STX18: variants seen among roughly 807,000 people sequenced by gnomAD.
STX18 encodes syntaxin-18.
In STX18, 40 loss-of-function variants were observed where a neutral mutation model predicts 50.1. That is an observed-to-expected ratio of 0.80 (90% CI 0.62 to 1.04). The LOEUF (loss-of-function observed/expected upper bound fraction) is 1.04, where lower values mean the gene tolerates loss of function less well. Among genes scored for constraint, STX18 ranks in the 50% least tolerant of loss-of-function variants. The probability of loss-of-function intolerance (pLI) is 0.00; values close to 1 mark genes in which losing one functional copy is unlikely to be tolerated. For synonymous variants in STX18, 158 were observed against 151.8 expected, an observed-to-expected ratio of 1.04 and a Z score of -0.30; for missense variants, 410 against 415.8, an observed-to-expected ratio of 0.99 and a Z score of 0.12.
At chr4:4,479,346 T>G (rs187321279) in intron 1 of STX18, among the ~76,000 whole-genome samples, 1 of 152,334 alleles carries the variant, frequency 6.6e-6, no homozygotes, top group East Asian at 1.9e-4. Context: ...CTGTGTGCTT[T>G]TAGCTTCTGC....
intron 1 of STX18, among the ~76,000 whole-genome samples, chr4:4,534,272 TGG>T (rs1731232904): frequency 1.3e-5 from 2 of 152,258 alleles, no homozygotes; most frequent in African/African-American, 4.8e-5. Context: ...CCAGTGTCCA[TGG>T]GCTCCTTGGA....
At chr4:4,424,984 A>C (rs917705788) in intron 8 of STX18, among the ~76,000 whole-genome samples, 180 bp downstream of exon 8, 1 of 152,182 alleles carries the variant, frequency 6.6e-6, no homozygotes, top group Non-Finnish European at 1.5e-5. Context: ...CAGGCCCACA[A>C]GCTGAGGGAG....
At chr4:4,427,971 C>CTA (rs1287192677) in intron 7 of STX18, among the ~76,000 whole-genome samples, 3 of 152,218 alleles carry the variant, frequency 2.0e-5, no homozygotes, top group Non-Finnish European at 2.9e-5. Context: ...AGAGCCGCCT[C>CTA]TGTGTTTAAA....
chr4:4,459,095 T>C (rs1430526086), intron 3 of STX18, among the ~76,000 whole-genome samples: 1 of 118,000 alleles, frequency 8.5e-6, no homozygotes, highest in Non-Finnish European at 1.8e-5. Flanking sequence ...CACACAAATT[T>C]GTCTTCACTG....
At chr4:4,469,088 G>A (rs934144150) in intron 2 of STX18, among the ~76,000 whole-genome samples, 8 of 152,110 alleles carry the variant, frequency 5.3e-5, no homozygotes, top group Non-Finnish European at 1.0e-4. Flanking sequence ...CACTGGATTT[G>A]GTGATTAGGA....
At chr4:4,535,089 C>T (rs1321596928) in intron 1 of STX18, among the ~76,000 whole-genome samples, 1 of 152,236 alleles carries the variant, frequency 6.6e-6, no homozygotes, top group East Asian at 1.9e-4. Flanking sequence ...TCCCTTCTAC[C>T]TACGTCTGGT....
chr4:4,514,003 G>T (rs1019323117), intron 1 of STX18, among the ~76,000 whole-genome samples: 1 of 152,140 alleles, frequency 6.6e-6, no homozygotes, highest in South Asian at 2.1e-4. Flanking sequence ...GAAAGAACTC[G>T]AGAGGGCAGC....
chr4:4,489,662 T>C (rs1309795386), intron 1 of STX18, among the ~76,000 whole-genome samples: 2 of 152,086 alleles, frequency 1.3e-5, no homozygotes, highest in Non-Finnish European at 2.9e-5. Context: ...AACTAGCAAA[T>C]TGCCAACAGC....
intron 6 of STX18, among the ~76,000 whole-genome samples, chr4:4,435,255 T>C (rs761295116): frequency 6.6e-6 from 1 of 152,226 alleles, no homozygotes; most frequent in African/African-American, 2.4e-5. Flanking sequence ...GACATATTTT[T>C]ATTGTAAAAA....
intron 1 of STX18, chr4:4,478,661 A>C (rs1391046510): frequency 1.3e-5 from 2 of 152,240 alleles, no homozygotes; most frequent in Non-Finnish European, 2.9e-5. Context: ...CTGCTTTGCC[A>C]CTTACTGTGA....
chr4:4,447,360 C>T (rs540840183), intron 5 of STX18, among the ~76,000 whole-genome samples: 14 of 151,416 alleles, frequency 9.2e-5, no homozygotes, highest in African/African-American at 2.4e-4. Flanking sequence ...GAGGCCGAGG[C>T]GGGCGGATCA....
upstream of STX18, chr4:4,542,285 G>A (rs940186940): frequency 5.2e-5 from 13 of 250,336 alleles, no homozygotes; most frequent in Admixed American, 6.2e-4. Context: ...GTGGGCTCCG[G>A]GAGCGTGAGG....
chr4:4,533,305 T>C (rs933793010), intron 1 of STX18, among the ~76,000 whole-genome samples: 2 of 152,236 alleles, frequency 1.3e-5, no homozygotes, highest in East Asian at 1.9e-4. Context: ...ACTTCACTGA[T>C]ACTTTACCCA....
rs1025912336 is a variant in STX18, at chr4:4,429,609, C to T, written c.703-4387G>A. Among the ~76,000 whole-genome samples the T allele has an allele frequency of 2.0e-5, 3 of 152,224 alleles. No individual in the cohort carries two copies. In the South Asian group the frequency reaches 6.2e-4, roughly 32 times the overall value. Reference sequence around the variant, plus strand: ...AGACGTGCTTTCTCTGTACCAAACCCCTTCACACTTCTGGCTGTGTGACCC... The same window carrying T: ...AGACGTGCTTTCTCTGTACCAAACCTCTTCACACTTCTGGCTGTGTGACCC... On this transcript the variant is annotated intron_variant, in intron 7 of 10. Transcript: ENST00000306200.
intron 1 of STX18, among the ~76,000 whole-genome samples, chr4:4,518,271 A>C (rs1730370606): frequency 6.6e-6 from 1 of 152,254 alleles, no homozygotes. Flanking sequence ...AGTGACTAAA[A>C]GCACAGAGAA....
intron 2 of STX18, among the ~76,000 whole-genome samples, chr4:4,468,412 C>G (rs1316507954): frequency 6.6e-6 from 1 of 152,142 alleles, no homozygotes; most frequent in Non-Finnish European, 1.5e-5. Context: ...GGGTAGTCTA[C>G]AACCCGGCCA....
Position 4,493,055 on chromosome 4 carries a change from T to G in STX18, c.169-21349A>C, listed in dbSNP as rs10023486. 6.6e-3 allele frequency among the ~76,000 whole-genome samples: 998 copies of G among 152,334 alleles called. 8 individuals carry two copies. The highest frequency in any genetic ancestry group is 0.011 in the Non-Finnish European group (731 of 68,026). ...CCCACTTATTTGGAAAAAAAGATAT[T>G]GCTGATCATGTCATACAATATTAAA... On this transcript the variant is annotated intron_variant, in intron 1 of 10. Coordinates refer to ENST00000306200, the MANE Select transcript of STX18 (RefSeq NM_016930.4).
intron 1 of STX18, among the ~76,000 whole-genome samples, chr4:4,491,478 C>G (rs1265827965): frequency 2.0e-5 from 3 of 152,056 alleles, no homozygotes; most frequent in Non-Finnish European, 2.9e-5. Flanking sequence ...TGAAGTGTCT[C>G]TACTATAGAT....
chr4:4,477,376 A>G (rs1431236349), intron 1 of STX18, among the ~76,000 whole-genome samples: 1 of 152,194 alleles, frequency 6.6e-6, no homozygotes, highest in African/African-American at 2.4e-5. Context: ...AATCCCAACA[A>G]TCTCTGGCTA....
Sources: allele counts gnomAD v4.1 joint callset (sites outside exome capture counted in the v4.1 genomes callset), GRCh38; gene constraint gnomAD v4.1.1; transcripts MANE v1.5; gene names NCBI Gene and HGNC (gene_info 2026-07-23, HGNC 2026-07-21).